POLA2: variants seen among roughly 807,000 people sequenced by gnomAD.
POLA2 encodes the protein DNA polymerase alpha subunit B.
In POLA2, 47 loss-of-function variants were observed where a neutral mutation model predicts 82.8. That is an observed-to-expected ratio of 0.57 (90% CI 0.45 to 0.72). The LOEUF (loss-of-function observed/expected upper bound fraction) is 0.72, where lower values mean the gene tolerates loss of function less well. Ranked by LOEUF, POLA2 falls within the 30% of genes least tolerant of loss-of-function variation. POLA2 has a pLI of 0.00. For synonymous variants in POLA2, 287 were observed against 286.8 expected (o/e 1.00, Z -0.01); for missense variants, 634 against 728.1 (o/e 0.87, Z 1.49).
chr11:65,263,717 C>A (rs908334988), intron 1 of POLA2, among the ~76,000 whole-genome samples: 5 of 151,918 alleles, frequency 3.3e-5, no homozygotes, highest in Non-Finnish European at 7.4e-5. Context: ...ATCCCAGCTA[C>A]TCAGGAGGCT....
Position 65,278,846 on chromosome 11 carries a change from T to C in POLA2, c.578T>C (p.Leu193Pro), listed in dbSNP as rs1408154485. The change falls in exon 6 of 18, where the codon CTG becomes CCG. Residue 193 changes from leucine to proline, a missense_variant. Physicochemically the swap from Leu to Pro is moderately conservative, Grantham distance 98 (BLOSUM62 -3). Transcript: ENST00000265465. Reference protein sequence around the residue: ...SGRGGAGNISLKVLGCPEALT... With the variant: ...SGRGGAGNISPKVLGCPEALT... ...AGAGGAGGAGCTGGAAACATCAGCC[T>C]GAAGGTCTTGGGATGTCCAGAGGCA... 4.3e-6 allele frequency: 7 copies of C among 1,613,900 alleles called. No individual in the cohort carries two copies. The highest frequency in any genetic ancestry group is 5.9e-6 in the Non-Finnish European group (7 of 1,180,018).
chr11:65,293,397 G>T (rs1949775487), intron 13 of POLA2, among the ~76,000 whole-genome samples: 1 of 152,014 alleles, frequency 6.6e-6, no homozygotes, highest in Non-Finnish European at 1.5e-5. Flanking sequence ...ATCACTTGAG[G>T]CCAGGAGTTT....
intron 11 of POLA2, 86 bp downstream of exon 11, chr11:65,287,926 C>A: frequency 7.9e-7 from 1 of 1,261,988 alleles, no homozygotes; most frequent in Non-Finnish European, 1.1e-6. Context: ...GCATGTCAGT[C>A]CCTCCTCCTT....
downstream of POLA2, among the ~76,000 whole-genome samples, chr11:65,303,170 G>A (rs375764322): frequency 3.9e-4 from 59 of 152,026 alleles, 1 homozygote; most frequent in East Asian, 7.9e-3. Flanking sequence ...GTGAAACCCC[G>A]TCTCTACTAA....
chr11:65,285,737 G>A (rs1355658386), intron 10 of POLA2, among the ~76,000 whole-genome samples: 1 of 152,164 alleles, frequency 6.6e-6, no homozygotes, highest in Non-Finnish European at 1.5e-5. Flanking sequence ...CAGTTTAACA[G>A]GTTGTTAATG....
At chr11:65,305,644 G>T (rs1949883735), downstream of POLA2, 2 of 320,258 alleles carry the variant, frequency 6.2e-6, no homozygotes, top group Non-Finnish European at 1.2e-5. Flanking sequence ...ATTGTACATT[G>T]TACTCCAGCC....
chr11:65,269,802 T>C (rs538693212), intron 4 of POLA2, among the ~76,000 whole-genome samples: 1 of 152,226 alleles, frequency 6.6e-6, no homozygotes, highest in South Asian at 2.1e-4. Context: ...CCCTATGCAA[T>C]GTATTCAGTA....
chr11:65,267,381 A>T (rs1415828222), intron 2 of POLA2, 96 bp from the exon 3 acceptor site: 2 of 666,226 alleles, frequency 3.0e-6, no homozygotes, highest in African/African-American at 3.7e-5. Context: ...ATCTTTGATT[A>T]TATTTTGAAT....
intron 14 of POLA2, 77 bp downstream of exon 14, chr11:65,294,338 G>T: frequency 1.7e-6 from 2 of 1,208,812 alleles, no homozygotes; most frequent in South Asian, 2.4e-5. Context: ...CCCTGAAGGG[G>T]AGGGTGGAGA....
chr11:65,273,337 A>C (rs1949542237), intron 4 of POLA2, among the ~76,000 whole-genome samples: 1 of 152,164 alleles, frequency 6.6e-6, no homozygotes, highest in Non-Finnish European at 1.5e-5. Flanking sequence ...AACAACAACA[A>C]AAAAACATGA....
chr11:65,305,243 A>G (rs1949880807), intron 8 of POLA2: 1 of 406,950 alleles, frequency 2.5e-6, no homozygotes, highest in African/African-American at 2.1e-5. Context: ...CCACCTCTGC[A>G]GAAATTCTGC....
chr11:65,262,739 G>A (rs143451675), intron 1 of POLA2, among the ~76,000 whole-genome samples: 93 of 152,290 alleles, frequency 6.1e-4, no homozygotes, highest in African/African-American at 2.2e-3. Context: ...GTTTTGAAAT[G>A]TAGCTTTTTA....
intron 4 of POLA2, among the ~76,000 whole-genome samples, chr11:65,271,210 T>C (rs182885965): frequency 6.4e-4 from 98 of 152,374 alleles, no homozygotes; most frequent in Admixed American, 2.0e-3. Context: ...ACTTTGTTTT[T>C]ACTTGCTGCT....
chr11:65,279,500 C>T (rs765069709), intron 6 of POLA2, 38 bp from the exon 7 acceptor site: 13 of 1,361,892 alleles, frequency 9.5e-6, no homozygotes, highest in Non-Finnish European at 1.3e-5. Context: ...AGTGAAATGT[C>T]TTAAACATAA....
intron 7 of POLA2, chr11:65,280,694 A>T: frequency 2.7e-6 from 1 of 369,852 alleles, no homozygotes; most frequent in Non-Finnish European, 5.0e-6. Context: ...TGGGGTGGTG[A>T]GGACAGGGTG....
At chr11:65,269,208 C>T (rs576415184) in intron 4 of POLA2, among the ~76,000 whole-genome samples, 1 of 152,184 alleles carries the variant, frequency 6.6e-6, no homozygotes, top group Admixed American at 6.5e-5. Flanking sequence ...TGTGGCCAGG[C>T]GCAGTGGCTC....
At chr11:65,276,877 T>C (rs1212947640) in intron 5 of POLA2, among the ~76,000 whole-genome samples, 1 of 151,204 alleles carries the variant, frequency 6.6e-6, no homozygotes, top group East Asian at 2.0e-4. Context: ...CTGAAGCCTC[T>C]GCCTCCCGGT....
chr11:65,284,623 T>C (rs1256129042), intron 10 of POLA2, among the ~76,000 whole-genome samples: 1 of 151,880 alleles, frequency 6.6e-6, no homozygotes, highest in African/African-American at 2.4e-5. Context: ...CCTCCCGGGT[T>C]CAAGCGATTC....
At chr11:65,268,339 TTTATTA>T (rs1013288450) in intron 3 of POLA2, among the ~76,000 whole-genome samples, 9 of 150,492 alleles carry the variant, frequency 6.0e-5, no homozygotes, top group African/African-American at 2.0e-4. Flanking sequence ...TATATGAAAG[TTTATTA>T]TTATTATTAT....
Sources: allele counts gnomAD v4.1 joint callset (sites outside exome capture counted in the v4.1 genomes callset), GRCh38; gene constraint gnomAD v4.1.1; transcripts MANE v1.5; gene names NCBI Gene and HGNC (gene_info 2026-07-23, HGNC 2026-07-21).